The following SGCZ variants were observed in gnomAD, a reference collection of about 807,000 sequenced individuals.
SGCZ encodes the protein zeta-sarcoglycan.
In SGCZ, 40 loss-of-function variants were observed where a neutral mutation model predicts 41.3. The ratio of observed to expected loss-of-function variants is 0.97; its 90% CI spans 0.75 to 1.26. SGCZ has a LOEUF of 1.26. SGCZ is among the 50% of genes most tolerant of loss of function. The pLI, the probability that SGCZ is intolerant of heterozygous loss-of-function variation, is 0.00. For synonymous variants in SGCZ, 206 were observed against 137.5 expected (o/e 1.50, Z -3.49); for missense variants, 552 against 369.8 (o/e 1.49, Z -4.04).
chr8:14,961,871 G>A (rs146473177), intron 1 of SGCZ, among the ~76,000 whole-genome samples: 128 of 152,250 alleles, frequency 8.4e-4, no homozygotes, highest in Middle Eastern at 3.4e-3. Flanking sequence ...CAATAGGGCC[G>A]CAAACTACTC....
At chr8:14,709,824 T>C (rs1265033111) in intron 1 of SGCZ, among the ~76,000 whole-genome samples, 3 of 152,198 alleles carry the variant, frequency 2.0e-5, no homozygotes, top group South Asian at 2.1e-4. Flanking sequence ...TGCCTTACTA[T>C]GTGAGGAATT....
rs570898854 is a variant in SGCZ at position 14,698,163 on chromosome 8, C to T, written c.40-143237G>A. On this transcript the variant is annotated intron_variant, in intron 1 of 7. Transcript: ENST00000382080. ...ACAAAATATAGATGTGTTCCTTTTC[C>T]TATAAGAATGAAATATTATACTGTT... Among the ~76,000 whole-genome samples the T allele has an allele frequency of 4.6e-5, 7 of 152,016 alleles. No homozygotes were observed. The East Asian group carries it at 1.4e-3, about 29-fold the overall frequency.
chr8:14,367,298 A>T (rs1003973942), intron 2 of SGCZ, among the ~76,000 whole-genome samples: 2 of 152,080 alleles, frequency 1.3e-5, no homozygotes, highest in African/African-American at 4.8e-5. Flanking sequence ...TTTTGGTCAA[A>T]GCCATTTGAC....
intron 1 of SGCZ, among the ~76,000 whole-genome samples, chr8:14,994,049 G>C (rs374606722): frequency 1.3e-5 from 2 of 152,146 alleles, no homozygotes; most frequent in Non-Finnish European, 2.9e-5. Context: ...TGGCTGTGGA[G>C]GTAATGAGAA....
chr8:14,965,372 A>G (rs1189273569), intron 1 of SGCZ, among the ~76,000 whole-genome samples: 3 of 152,134 alleles, frequency 2.0e-5, no homozygotes, highest in Non-Finnish European at 2.9e-5. Flanking sequence ...ACTGGTGCAT[A>G]TTTGAGAAAA....
chr8:15,164,811 T>G (rs963757441), intron 1 of SGCZ, among the ~76,000 whole-genome samples: 1 of 152,174 alleles, frequency 6.6e-6, no homozygotes, highest in Non-Finnish European at 1.5e-5. Context: ...AGCCTCCATC[T>G]TGTTTTACAT....
intron 4 of SGCZ, among the ~76,000 whole-genome samples, chr8:14,216,134 T>A (rs1012552216): frequency 2.0e-5 from 3 of 152,238 alleles, no homozygotes; most frequent in African/African-American, 7.2e-5. Context: ...TTGCAGGTAA[T>A]GATTAAAGGC....
intron 1 of SGCZ, among the ~76,000 whole-genome samples, chr8:15,072,757 A>C (rs1470317375): frequency 6.6e-6 from 1 of 152,194 alleles, no homozygotes; most frequent in Admixed American, 6.5e-5. Context: ...TACACTTGAT[A>C]ATTTTGCTAA....
At chr8:14,291,429 AT>A in intron 3 of SGCZ, among the ~76,000 whole-genome samples, 1 of 152,120 alleles carries the variant, frequency 6.6e-6, no homozygotes, top group African/African-American at 2.4e-5. Context: ...TCATTCATAA[AT>A]TTTTAAAAAG....
chr8:15,047,012 C>T (rs1055129272), intron 1 of SGCZ, among the ~76,000 whole-genome samples: 2 of 151,946 alleles, frequency 1.3e-5, no homozygotes, highest in African/African-American at 4.8e-5. Flanking sequence ...GTTAATAGTT[C>T]ATTTAAGATT....
At chr8:14,143,811 G>A (rs1803443726) in intron 5 of SGCZ, among the ~76,000 whole-genome samples, 1 of 152,108 alleles carries the variant, frequency 6.6e-6, no homozygotes, top group African/African-American at 2.4e-5. Context: ...GCAGTAGTAA[G>A]GAGAGGAGAA....
chr8:14,490,985 C>G (rs1801825343), intron 2 of SGCZ, among the ~76,000 whole-genome samples: 1 of 152,096 alleles, frequency 6.6e-6, no homozygotes, highest in Admixed American at 6.5e-5. Flanking sequence ...AATTAAAAAC[C>G]TTGAAAATTA....
chr8:14,120,573 C>A (rs1802667151), intron 5 of SGCZ, among the ~76,000 whole-genome samples: 1 of 151,754 alleles, frequency 6.6e-6, no homozygotes, highest in Non-Finnish European at 1.5e-5. Flanking sequence ...AAATATAGAT[C>A]TATAATATGT....
rs1350119882 is a variant in SGCZ at position 14,617,677 on chromosome 8, C to A, written c.40-62751G>T. Among the ~76,000 whole-genome samples, 4 of 152,000 alleles carry A rather than the reference C, an allele frequency of 2.6e-5. No homozygotes were observed. In the East Asian group the frequency reaches 7.7e-4, roughly 29 times the overall value. ...TGTCCAGTTAGGGCAATGGCTTTAG[C>A]TGAGACGTCAAGAAAGAGTAGTATT... is the stretch of plus-strand genomic sequence containing the variant. On this transcript the variant is annotated intron_variant, in intron 1 of 7. Transcript: ENST00000382080.
chr8:14,924,940 CT>C (rs1356557727), intron 1 of SGCZ, among the ~76,000 whole-genome samples: 1 of 150,476 alleles, frequency 6.6e-6, no homozygotes, highest in African/African-American at 2.5e-5. Context: ...TCACTGCAAC[CT>C]CTGCCTTTTG....
chr8:14,129,705 A>C (rs36067918), intron 5 of SGCZ, among the ~76,000 whole-genome samples: 52,989 of 151,786 alleles, frequency 0.35, 11,725 homozygotes, highest in Non-Finnish European at 0.5. Flanking sequence ...AAAAATCAAA[A>C]AAGACATTAA....
chr8:14,596,879 T>C (rs1348092594), intron 1 of SGCZ, among the ~76,000 whole-genome samples: 1 of 152,066 alleles, frequency 6.6e-6, no homozygotes, highest in Non-Finnish European at 1.5e-5. Flanking sequence ...GAAAAGAATA[T>C]ATTCCATGTG....
intron 1 of SGCZ, among the ~76,000 whole-genome samples, chr8:14,866,534 G>T (rs374140314): frequency 6.6e-6 from 1 of 152,072 alleles, no homozygotes; most frequent in Non-Finnish European, 1.5e-5. Flanking sequence ...CTTGGGCTGG[G>T]CACAGTGACT....
chr8:14,718,929 T>C (rs1809789024), intron 1 of SGCZ, among the ~76,000 whole-genome samples: 1 of 149,928 alleles, frequency 6.7e-6, no homozygotes, highest in African/African-American at 2.5e-5. Context: ...TGTATACATG[T>C]GCCATGCTGC....
Sources: allele counts gnomAD v4.1 joint callset (sites outside exome capture counted in the v4.1 genomes callset), GRCh38; gene constraint gnomAD v4.1.1; transcripts MANE v1.5; gene names NCBI Gene and HGNC (gene_info 2026-07-23, HGNC 2026-07-21).